The following GRIP1 variants were observed in gnomAD, a reference collection of about 807,000 sequenced individuals.
GRIP1 encodes the protein glutamate receptor interacting protein 1.
GRIP1 carries 45 observed loss-of-function variants against 129.9 expected under a neutral mutation model. That is an observed-to-expected ratio of 0.35 (90% CI 0.27 to 0.44). GRIP1 has a LOEUF of 0.44. Among genes scored for constraint, GRIP1 ranks in the 20% least tolerant of loss-of-function variants. The pLI is 1.00. For missense variants in GRIP1, 1,196 were observed against 1,396.8 expected, an observed-to-expected ratio of 0.86 and a Z score of 2.29; for synonymous variants, 530 against 520.8, an observed-to-expected ratio of 1.02 and a Z score of -0.24.
intron 1 of GRIP1, among the ~76,000 whole-genome samples, chr12:67,036,260 A>G (rs1565649652): frequency 6.6e-6 from 1 of 151,906 alleles, no homozygotes. Flanking sequence ...CTGAGAATAG[A>G]TCACAGTTCT....
At chr12:66,376,073 A>T (rs537663113) in intron 22 of GRIP1, among the ~76,000 whole-genome samples, 1 of 147,170 alleles carries the variant, frequency 6.8e-6, no homozygotes, top group African/African-American at 2.7e-5. Flanking sequence ...CATTGCTAAC[A>T]TCTTACTTCA....
chr12:66,699,471 T>C (rs1054479658), intron 1 of GRIP1, among the ~76,000 whole-genome samples: 1 of 152,062 alleles, frequency 6.6e-6, no homozygotes, highest in African/African-American at 2.4e-5. Context: ...ATAAGTCTCA[T>C]GAGATCTGAT....
chr12:66,372,771 G>T (rs61925895), intron 22 of GRIP1, among the ~76,000 whole-genome samples: 1 of 150,722 alleles, frequency 6.6e-6, no homozygotes, highest in East Asian at 2.0e-4. Context: ...AAAAAAAAAG[G>T]ATTTGAAACC....
intron 1 of GRIP1, among the ~76,000 whole-genome samples, chr12:66,956,803 G>T (rs531508262): frequency 1.3e-5 from 2 of 152,230 alleles, no homozygotes; most frequent in African/African-American, 4.8e-5. Flanking sequence ...ACTGCATCAA[G>T]GCCCCCTCGG....
chr12:66,692,395 C>T (rs1426954576), intron 1 of GRIP1, among the ~76,000 whole-genome samples: 2 of 152,104 alleles, frequency 1.3e-5, no homozygotes. Context: ...TTTGGCACTG[C>T]GTCTACATGG....
intron 19 of GRIP1, among the ~76,000 whole-genome samples, chr12:66,389,170 C>T (rs1266836789): frequency 6.6e-6 from 1 of 152,174 alleles, no homozygotes; most frequent in Non-Finnish European, 1.5e-5. Context: ...TAAGCTGTAT[C>T]TCACAACATA....
chr12:66,886,674 G>C (rs2040570785), intron 1 of GRIP1, among the ~76,000 whole-genome samples: 1 of 151,990 alleles, frequency 6.6e-6, no homozygotes, highest in African/African-American at 2.4e-5. Flanking sequence ...ACTTTTAGTT[G>C]GTGACAGTAC....
intron 24 of GRIP1, among the ~76,000 whole-genome samples, chr12:66,350,103 T>C (rs1318881802): frequency 6.6e-6 from 1 of 152,136 alleles, no homozygotes; most frequent in East Asian, 1.9e-4. Flanking sequence ...CTTAAAACTC[T>C]CCTTCCTTAG....
chr12:66,951,681 C>A (rs2041760279), intron 1 of GRIP1, among the ~76,000 whole-genome samples: 1 of 152,188 alleles, frequency 6.6e-6, no homozygotes, highest in African/African-American at 2.4e-5. Flanking sequence ...CAGCAATCCT[C>A]GTTGTAGTCC....
chr12:66,566,453 A>C (rs1489512446), intron 2 of GRIP1, among the ~76,000 whole-genome samples: 1 of 152,228 alleles, frequency 6.6e-6, no homozygotes, highest in East Asian at 1.9e-4. Flanking sequence ...CCAGCCTTGC[A>C]TCTCAAGGGA....
intron 1 of GRIP1, among the ~76,000 whole-genome samples, chr12:66,778,269 TAC>T (rs201879639): frequency 6.6e-6 from 1 of 151,624 alleles, no homozygotes; most frequent in African/African-American, 2.4e-5. Flanking sequence ...AAAGAAATTT[TAC>T]ACACACACAC....
At chr12:66,665,822 G>A (rs1439501825) in intron 1 of GRIP1, among the ~76,000 whole-genome samples, 8 of 152,050 alleles carry the variant, frequency 5.3e-5, no homozygotes, top group Non-Finnish European at 1.2e-4. Flanking sequence ...ATATGCATAC[G>A]TTCTGTTGCA....
intron 1 of GRIP1, among the ~76,000 whole-genome samples, chr12:66,867,843 A>C (rs2040232091): frequency 6.6e-6 from 1 of 152,200 alleles, no homozygotes. Context: ...ACGGGTACTC[A>C]GTGAATGTCC....
At chr12:66,833,861 TA>T (rs954235055) in intron 1 of GRIP1, among the ~76,000 whole-genome samples, 42 of 151,838 alleles carry the variant, frequency 2.8e-4, no homozygotes, top group African/African-American at 9.2e-4. Context: ...TGCTAGCTAT[TA>T]AAAAAAAATT....
chr12:66,378,443 CCT>C, intron 20 of GRIP1, among the ~76,000 whole-genome samples: 1 of 150,122 alleles, frequency 6.7e-6, no homozygotes, highest in East Asian at 2.0e-4. Flanking sequence ...CAGAGTGAGA[CCT>C]TGTCTCAAAA....
At chr12:66,908,483 A>G (rs1428461423) in intron 1 of GRIP1, among the ~76,000 whole-genome samples, 2 of 152,216 alleles carry the variant, frequency 1.3e-5, no homozygotes, top group Non-Finnish European at 2.9e-5. Flanking sequence ...GTTAGCTGTC[A>G]TGGGTGACCT....
At chr12:66,691,574 G>A (rs11176382) in intron 1 of GRIP1, among the ~76,000 whole-genome samples, 43,806 of 151,946 alleles carry the variant, frequency 0.29, 7,167 homozygotes, top group Admixed American at 0.38. Context: ...CCTGGAATTC[G>A]ACAATGCTCC....
intron 1 of GRIP1, among the ~76,000 whole-genome samples, chr12:67,027,638 C>T (rs2042959377): frequency 1.3e-5 from 2 of 152,134 alleles, no homozygotes; most frequent in African/African-American, 2.4e-5. Flanking sequence ...CTTTGATGAT[C>T]CCTAAGGAAA....
intron 1 of GRIP1, among the ~76,000 whole-genome samples, chr12:66,863,268 T>G (rs890358113): frequency 6.6e-6 from 1 of 152,184 alleles, no homozygotes; most frequent in Non-Finnish European, 1.5e-5. Flanking sequence ...AAGCCAACTA[T>G]GTGTAACACA....
Sources: allele counts gnomAD v4.1 joint callset (sites outside exome capture counted in the v4.1 genomes callset), GRCh38; gene constraint gnomAD v4.1.1; transcripts MANE v1.5; gene names NCBI Gene and HGNC (gene_info 2026-07-23, HGNC 2026-07-21).